The following PTN variants were observed in gnomAD, a reference collection of about 807,000 sequenced individuals.
The protein encoded by PTN is pleiotrophin, also known as heparin affin regulatory protein.
PTN carries 18 observed loss-of-function variants against 24.1 expected under a neutral mutation model. The observed-to-expected ratio is 0.75, with a 90% CI of 0.52 to 1.11. The LOEUF is 1.11. Among genes scored for constraint, PTN ranks in the 50% least tolerant of loss-of-function variants. PTN has a pLI of 0.00. For synonymous variants in PTN, 78 were observed against 68.6 expected (o/e 1.14, Z -0.67); for missense variants, 163 against 198.8 (o/e 0.82, Z 1.08).
At chr7:137,283,951 G>GTTTTTTTTTTTTTTT (rs1228347789) in intron 1 of PTN, among the ~76,000 whole-genome samples, 1 of 70,080 alleles carries the variant, frequency 1.4e-5, no homozygotes, top group Admixed American at 1.9e-4. Context: ...ATGAGCATCA[G>GTTTTTTTTTTTTTTT]ATTTTTTTTT....
At chr7:137,233,933 CAT>C (rs550746000) in intron 4 of PTN, among the ~76,000 whole-genome samples, 5 of 148,318 alleles carry the variant, frequency 3.4e-5, no homozygotes, top group East Asian at 3.9e-4. Flanking sequence ...TATATGTATA[CAT>C]ATATATGTAT....
chr7:137,255,622 C>T (rs1050616567), intron 1 of PTN, among the ~76,000 whole-genome samples: 1 of 152,170 alleles, frequency 6.6e-6, no homozygotes, highest in Non-Finnish European at 1.5e-5. Flanking sequence ...ATGATAAATT[C>T]GCATGTGCTA....
At chr7:137,236,337 G>A (rs930002564) in intron 4 of PTN, 14 of 693,334 alleles carry the variant, frequency 2.0e-5, no homozygotes, top group Non-Finnish European at 3.7e-5. Context: ...AGGGGTGGGG[G>A]AATCAGCCAC....
intron 4 of PTN, among the ~76,000 whole-genome samples, chr7:137,240,899 G>A (rs1318941706): frequency 6.6e-6 from 1 of 152,180 alleles, no homozygotes; most frequent in Non-Finnish European, 1.5e-5. Flanking sequence ...GTATAACCTT[G>A]TGCTAGGTAT....
intron 1 of PTN, among the ~76,000 whole-genome samples, chr7:137,327,156 C>T (rs911130096): frequency 5.3e-5 from 8 of 152,126 alleles, no homozygotes; most frequent in East Asian, 3.9e-4. Context: ...CAAAGCATTA[C>T]GTTTTCAAAC....
At chr7:137,254,720 T>C (rs925561409) in intron 2 of PTN, 139 bp downstream of exon 2, 4 of 501,302 alleles carry the variant, frequency 8.0e-6, no homozygotes, top group South Asian at 6.4e-5. Context: ...AAGTAATTAT[T>C]TTTGAAAAGG....
chr7:137,247,223 T>C (rs1376064569), intron 4 of PTN, among the ~76,000 whole-genome samples: 1 of 152,208 alleles, frequency 6.6e-6, no homozygotes, highest in Non-Finnish European at 1.5e-5. Context: ...CCCCTATGTT[T>C]GTTGCAGCAC....
At chr7:137,304,055 T>G (rs1236785522) in intron 1 of PTN, among the ~76,000 whole-genome samples, 3 of 152,024 alleles carry the variant, frequency 2.0e-5, no homozygotes, top group Non-Finnish European at 4.4e-5. Flanking sequence ...AGTCCAACCC[T>G]TGGGAAGATA....
At chr7:137,298,703 A>C (rs1809758248) in intron 1 of PTN, among the ~76,000 whole-genome samples, 1 of 151,972 alleles carries the variant, frequency 6.6e-6, no homozygotes, top group African/African-American at 2.4e-5. Context: ...GGAAGCATCC[A>C]ACTCTGTCAA....
At chr7:137,326,184 A>G (rs1810257107) in intron 1 of PTN, 2 of 149,420 alleles carry the variant, frequency 1.3e-5, no homozygotes, top group South Asian at 4.1e-4. Flanking sequence ...CCAGGCATTG[A>G]GGGTGTCCAC....
chr7:137,262,773 A>C (rs1019040593), intron 1 of PTN, among the ~76,000 whole-genome samples: 1 of 152,192 alleles, frequency 6.6e-6, no homozygotes, highest in Non-Finnish European at 1.5e-5. Context: ...GAGGTTTCAC[A>C]AGGTCCTTCC....
chr7:137,260,329 A>G (rs568835253), intron 1 of PTN, among the ~76,000 whole-genome samples: 62 of 152,266 alleles, frequency 4.1e-4, no homozygotes, highest in African/African-American at 1.4e-3. Context: ...TAGAAAAACC[A>G]CACAAACCCA....
At chr7:137,322,035 G>C (rs1810170632) in intron 1 of PTN, among the ~76,000 whole-genome samples, 1 of 152,162 alleles carries the variant, frequency 6.6e-6, no homozygotes, top group African/African-American at 2.4e-5. Flanking sequence ...GAAGCTTAGA[G>C]GCCTTCCCTG....
At chr7:137,313,870 A>G (rs923442301) in intron 1 of PTN, among the ~76,000 whole-genome samples, 58 of 152,228 alleles carry the variant, frequency 3.8e-4, no homozygotes, top group Non-Finnish European at 4.0e-4. Flanking sequence ...TTGGAATTTA[A>G]TATCTCCTCA....
At chr7:137,229,817 T>C (rs1240004218) in intron 4 of PTN, among the ~76,000 whole-genome samples, 1 of 151,886 alleles carries the variant, frequency 6.6e-6, no homozygotes, top group Non-Finnish European at 1.5e-5. Flanking sequence ...AAAGATACAT[T>C]TTAGATCAAA....
rs113892714 is a variant in PTN, at chr7:137,307,054, T to C, written c.-2+36385A>G. ...TTCCATACATGCCAGAAGCAGTCAA[T>C]GCTCAGTAGAGAAACTGAAATTCAA... On this transcript the variant is annotated intron_variant, in intron 1 of 4. Coordinates refer to ENST00000348225, the MANE Select transcript of PTN (RefSeq NM_002825.7). 2.9e-3 allele frequency among the ~76,000 whole-genome samples: 435 copies of C among 152,216 alleles called. 2 individuals carry two copies. Among genetic ancestry groups the C allele is most frequent in the African/African-American group, 0.01 (431 of 41,538 alleles).
chr7:137,317,811 T>C (rs1260682080), intron 1 of PTN, among the ~76,000 whole-genome samples: 2 of 152,076 alleles, frequency 1.3e-5, no homozygotes, highest in Non-Finnish European at 1.5e-5. Flanking sequence ...TAGTTTATAG[T>C]CTTTGCAGGA....
At chr7:137,277,638 T>C (rs899573976) in intron 1 of PTN, among the ~76,000 whole-genome samples, 2 of 152,158 alleles carry the variant, frequency 1.3e-5, no homozygotes, top group Non-Finnish European at 2.9e-5. Flanking sequence ...GGCGTGATCA[T>C]GGCTCACTGC....
At chr7:137,242,627 C>A (rs976824410) in intron 4 of PTN, among the ~76,000 whole-genome samples, 1 of 152,186 alleles carries the variant, frequency 6.6e-6, no homozygotes, top group Admixed American at 6.5e-5. Flanking sequence ...TGAACAATAA[C>A]CCAAGATACT....
Sources: gnomAD v4.1 joint callset for allele counts (sites outside exome capture counted in the v4.1 genomes callset) on GRCh38, gnomAD v4.1.1 for gene constraint, MANE v1.5 for transcripts, NCBI Gene and HGNC (gene_info 2026-07-23, HGNC 2026-07-21) for gene names.